CLASP2: variants seen among roughly 807,000 people sequenced by gnomAD.
CLASP2 encodes CLIP-associating protein 2.
CLASP2 carries 47 observed loss-of-function variants against 194.4 expected under a neutral mutation model. The observed-to-expected ratio is 0.24, with a 90% CI of 0.19 to 0.31. The LOEUF (loss-of-function observed/expected upper bound fraction) is 0.31. CLASP2 is among the 10% of genes least tolerant of loss of function. The probability of loss-of-function intolerance (pLI) is 1.00; values close to 1 mark genes in which losing one functional copy is unlikely to be tolerated. For synonymous variants in CLASP2, 619 were observed against 633.5 expected (o/e 0.98, Z 0.34); for missense variants, 1,445 against 1,823.6 (o/e 0.79, Z 3.78).
At chr3:33,567,990 G>A (rs1198812377) in intron 26 of CLASP2, among the ~76,000 whole-genome samples, 1 of 152,074 alleles carries the variant, frequency 6.6e-6, no homozygotes, top group Non-Finnish European at 1.5e-5. Flanking sequence ...CTAAATTATT[G>A]TCTTACAGAT....
intron 11 of CLASP2, 121 bp downstream of exon 11, chr3:33,622,014 A>C (rs2077195519): frequency 1.4e-6 from 1 of 711,108 alleles, no homozygotes; most frequent in Non-Finnish European, 2.1e-6. Flanking sequence ...GTATAATAAA[A>C]ATGATTTTTG....
Position 33,677,502 on chromosome 3 carries a change from G to A in CLASP2, c.644+6857C>T, listed in dbSNP as rs542695711. Reference sequence around the variant, plus strand: ...TCTCACTCATAGATGGGAATTGAACGATGAGAACACATGGACACAGGAAGG... The same window carrying A: ...TCTCACTCATAGATGGGAATTGAACAATGAGAACACATGGACACAGGAAGG... On this transcript the variant is annotated intron_variant, in intron 6 of 38. Coordinates refer to ENST00000682230, the MANE Select transcript of CLASP2 (RefSeq NM_001365631.1). Among the ~76,000 whole-genome samples, 161 of 142,332 alleles carry A rather than the reference G, an allele frequency of 1.1e-3. 1 individual carries two copies. Among genetic ancestry groups the A allele is most frequent in the African/African-American group, 4.1e-3 (156 of 38,176 alleles). 93.4% of individuals were successfully genotyped at this position (142,332 alleles called of 152,430 possible). A position where few individuals can be genotyped will look rare whatever the true frequency, so the allele number is the denominator to read the frequency against.
At chr3:33,639,608 T>C (rs2080909239) in intron 8 of CLASP2, among the ~76,000 whole-genome samples, 1 of 152,178 alleles carries the variant, frequency 6.6e-6, no homozygotes, top group Non-Finnish European at 1.5e-5. Flanking sequence ...CATATTCTTA[T>C]ACATAGTAAG....
intron 12 of CLASP2, among the ~76,000 whole-genome samples, chr3:33,619,046 T>C (rs192321071): frequency 6.6e-6 from 1 of 152,322 alleles, no homozygotes; most frequent in East Asian, 1.9e-4. Context: ...TACGAACCTG[T>C]AGCTGAATTA....
intron 18 of CLASP2, among the ~76,000 whole-genome samples, chr3:33,599,217 TGGG>T (rs2071341883): frequency 6.6e-6 from 1 of 152,160 alleles, no homozygotes; most frequent in Non-Finnish European, 1.5e-5. Context: ...CTCTACTTCC[TGGG>T]CTCCAGCAAT....
intron 27 of CLASP2, among the ~76,000 whole-genome samples, chr3:33,561,630 A>C (rs1424839172): frequency 6.6e-6 from 1 of 152,222 alleles, no homozygotes; most frequent in Non-Finnish European, 1.5e-5. Context: ...ATACCCATTT[A>C]TGGGTTTTTT....
chr3:33,508,627 C>T (rs1226087267), intron 37 of CLASP2, among the ~76,000 whole-genome samples: 3 of 152,174 alleles, frequency 2.0e-5, no homozygotes, highest in Non-Finnish European at 2.9e-5. Context: ...CCACACCTGG[C>T]CAAAAATAAT....
In CLASP2 at chr3:33,671,756, G is replaced by A. The variant is rs546574632; in HGVS notation, c.645-8241C>T. ...TCCCACCTGAATACTGCGCTTTTCC[G>A]ACAGGCTTAAAAAATGGCGCACCAG... is the stretch of plus-strand genomic sequence containing the variant. On this transcript the variant is annotated intron_variant, in intron 6 of 38. Transcript: ENST00000682230. Among the ~76,000 whole-genome samples the A allele has an allele frequency of 4.5e-4, 69 of 152,302 alleles. 1 individual carries two copies. Among genetic ancestry groups the A allele is most frequent in the East Asian group, 1.7e-3 (9 of 5,182 alleles).
At chr3:33,577,325 C>T (rs1412801657) in intron 23 of CLASP2, 1 of 1,359,820 alleles carries the variant, frequency 7.4e-7, no homozygotes, top group Non-Finnish European at 1.0e-6. Context: ...ATAGTGGCAG[C>T]ACTACTGTCA....
chr3:33,709,647 G>A (rs1031823289), intron 1 of CLASP2, among the ~76,000 whole-genome samples: 1 of 146,306 alleles, frequency 6.8e-6, no homozygotes, highest in Non-Finnish European at 1.5e-5. Context: ...ATTCTCCCCT[G>A]AAGTCTCTAG....
rs1329979377 is a variant in CLASP2 at position 33,515,970 on chromosome 3, A to T, written c.4110+53T>A. On this transcript the variant is annotated intron_variant, in intron 36 of 38. Coordinates refer to ENST00000682230, the MANE Select transcript of CLASP2 (RefSeq NM_001365631.1). ...AGGCTACATTTTACACAATGGTTAC[A>T]TGTTTCATGAAATAAAATAATGGAA... The T allele has an allele frequency of 1.4e-5, 22 of 1,531,258 alleles. No individual in the cohort carries two copies. The East Asian group carries it at 5.0e-4, about 35-fold the overall frequency. 94.9% of individuals were successfully genotyped at this position (1,531,258 alleles called of 1,614,324 possible).
chr3:33,657,704 T>A (rs2084531460), intron 7 of CLASP2, among the ~76,000 whole-genome samples: 1 of 152,152 alleles, frequency 6.6e-6, no homozygotes, highest in East Asian at 1.9e-4. Context: ...TTCTCATTTA[T>A]TTCCATAAGA....
intron 21 of CLASP2, chr3:33,588,713 G>T: frequency 4.3e-6 from 3 of 702,308 alleles, no homozygotes; most frequent in South Asian, 3.0e-5. Context: ...ACCACCAATG[G>T]TATTAGCAGA....
intron 34 of CLASP2, among the ~76,000 whole-genome samples, chr3:33,520,487 T>C (rs1183521911): frequency 6.6e-6 from 1 of 152,190 alleles, no homozygotes; most frequent in Non-Finnish European, 1.5e-5. Flanking sequence ...GTAGGAAGGC[T>C]GTCCACATAG....
chr3:33,535,144 G>T, intron 34 of CLASP2, 89 bp downstream of exon 34: 1 of 856,664 alleles, frequency 1.2e-6, no homozygotes, highest in Non-Finnish European at 1.8e-6. Flanking sequence ...CTTTTTGGGA[G>T]TTATAATAAA....
chr3:33,511,073 C>G (rs997443380), intron 36 of CLASP2, among the ~76,000 whole-genome samples: 1 of 148,544 alleles, frequency 6.7e-6, no homozygotes, highest in Non-Finnish European at 1.5e-5. Context: ...TGCTCTGTCA[C>G]CCAGGAAGGA....
rs1310882139 is a variant in CLASP2 at position 33,689,855 on chromosome 3, A to G, written c.352T>C (p.Leu118=). 1 of 1,595,054 alleles carries G rather than the reference A, an allele frequency of 6.3e-7. No homozygotes were observed. The highest frequency in any genetic ancestry group is 1.2e-5 in the South Asian group (1 of 86,924). ...ATAGGTGGTGCTACTTGATCCATTAACTTCAATATCAGAGTCTGAGCTTCA... is the reference window on the plus strand; with the variant it reads ...ATAGGTGGTGCTACTTGATCCATTAGCTTCAATATCAGAGTCTGAGCTTCA... ...RDEAQTLILK[L]MDQVAPPMYI... is the part of the protein sequence containing the mutation. Residue 118 remains leucine, a synonymous_variant, in exon 3 of 39, where the codon TTA becomes CTA. Transcript: ENST00000682230.
At chr3:33,522,214 C>T (rs958584255) in intron 34 of CLASP2, among the ~76,000 whole-genome samples, 7 of 152,204 alleles carry the variant, frequency 4.6e-5, no homozygotes, top group Non-Finnish European at 8.8e-5. Flanking sequence ...TTCTCTTTTT[C>T]CTTTTTGGGA....
chr3:33,596,785 GA>G, intron 18 of CLASP2, 51 bp from the exon 19 acceptor site: 1 of 1,397,470 alleles, frequency 7.2e-7, no homozygotes, highest in Non-Finnish European at 9.9e-7. Flanking sequence ...TATATTAGAA[GA>G]AATGATTTTT....
Sources: allele counts gnomAD v4.1 joint callset (sites outside exome capture counted in the v4.1 genomes callset), GRCh38; gene constraint gnomAD v4.1.1; transcripts MANE v1.5; gene names NCBI Gene and HGNC (gene_info 2026-07-23, HGNC 2026-07-21).